MTREX: variants seen among roughly 807,000 people sequenced by gnomAD.
MTREX encodes exosome RNA helicase MTR4.
MTREX carries 76 observed loss-of-function variants against 135.4 expected under a neutral mutation model. The observed-to-expected ratio is 0.56, with a 90% CI of 0.47 to 0.68. The LOEUF (loss-of-function observed/expected upper bound fraction) is 0.68. MTREX is among the 30% of genes least tolerant of loss of function. The probability of loss-of-function intolerance (pLI) is 0.00; values close to 1 mark genes in which losing one functional copy is unlikely to be tolerated. For synonymous variants in MTREX, 404 were observed against 401.6 expected (o/e 1.01, Z -0.07); for missense variants, 920 against 1,262.1 (o/e 0.73, Z 4.11).
intron 1 of MTREX, among the ~76,000 whole-genome samples, chr5:55,313,893 C>T (rs1749156589): frequency 6.6e-6 from 1 of 152,062 alleles, no homozygotes; most frequent in African/African-American, 2.4e-5. Flanking sequence ...CCATTTCTCA[C>T]TTCTTGTGCA....
At position 55,425,126 on chromosome 5, in the gene MTREX, G is replaced by GAA; in HGVS notation, c.*356_*357dup. ...TCTTTAAAGGCTTGTACACCAGGAAGAAAGATGCATCCTCTTGCCTTGTGG... is the reference window on the plus strand; with the variant it reads ...TCTTTAAAGGCTTGTACACCAGGAAGAAAAAGATGCATCCTCTTGCCTTGTGG... On this transcript the variant is annotated 3_prime_UTR_variant, in exon 27 of 27. Coordinates refer to ENST00000230640, the MANE Select transcript of MTREX (RefSeq NM_015360.5). 1 of 1,505,540 alleles carries GAA rather than the reference G, an allele frequency of 6.6e-7. No individual in the cohort carries two copies. The highest frequency in any genetic ancestry group is 9.0e-7 in the Non-Finnish European group (1 of 1,115,864). The allele number at this position is 1,505,540 out of a possible 1,614,324, so 93.3% of individuals were successfully genotyped here.
chr5:55,322,588 TC>T lies in MTREX; in HGVS notation c.272+125del, dbSNP rs1431648780. 2.0e-5 allele frequency: 14 copies of T among 687,614 alleles called. No homozygotes were observed. The African/African-American group carries it at 2.2e-4, about 11-fold the overall frequency. 42.6% of individuals were successfully genotyped at this position (687,614 alleles called of 1,614,324 possible). On this transcript the variant is annotated intron_variant, in intron 2 of 26. Transcript: ENST00000230640. Reference sequence around the variant, plus strand: ...GTATTAGAGAAATGAAGATATTCTTTCTATTTTTACACAGGCATGTAAATGT... The same window carrying T: ...GTATTAGAGAAATGAAGATATTCTTTTATTTTTACACAGGCATGTAAATGT...
chr5:55,388,739 A>G (rs35719702), intron 19 of MTREX, among the ~76,000 whole-genome samples: 9,610 of 152,200 alleles, frequency 0.063, 547 homozygotes, highest in African/African-American at 0.13. Context: ...ACATAACCCA[A>G]TTTTAAGGAG....
chr5:55,381,495 C>T (rs1178773804), intron 18 of MTREX, among the ~76,000 whole-genome samples: 1 of 151,890 alleles, frequency 6.6e-6, no homozygotes, highest in Admixed American at 6.6e-5. Context: ...TTCTAATTTC[C>T]CTTTTGATTT....
intron 11 of MTREX, among the ~76,000 whole-genome samples, chr5:55,349,172 C>A (rs939798679): frequency 2.7e-5 from 4 of 146,648 alleles, no homozygotes; most frequent in African/African-American, 1.0e-4. Flanking sequence ...TTTACTTTTG[C>A]TCTTTAAAGA....
chr5:55,343,370 C>T lies in MTREX; in HGVS notation c.821C>T (p.Pro274Leu), dbSNP rs760559056. 1 of 1,612,596 alleles carries T rather than the reference C, an allele frequency of 6.2e-7. No homozygotes were observed. Among genetic ancestry groups the T allele is most frequent in the Admixed American group, 1.7e-5 (1 of 59,902 alleles). Reference protein sequence around the residue: ...VVWEETIILLPDNVHYVFLSA... With the variant: ...VVWEETIILLLDNVHYVFLSA... ...TGGGAAGAAACTATTATTTTGCTTC[C>T]TGATAACGTCCACTATGTCTTTCTT... Residue 274 changes from proline to leucine, a missense_variant, in exon 8 of 27, where the codon CCT becomes CTT. Pro to Leu is a moderately conservative substitution (Grantham distance 98). Around this residue, in one of 6 missense-constraint regions of MTREX, gnomAD observed 88 missense variants for 202.5 expected, o/e 0.43. Coordinates refer to ENST00000230640, the MANE Select transcript of MTREX (RefSeq NM_015360.5).
chr5:55,420,186 C>A (rs1751032683), intron 25 of MTREX, among the ~76,000 whole-genome samples: 1 of 152,174 alleles, frequency 6.6e-6, no homozygotes, highest in Admixed American at 6.5e-5. Context: ...TTGCAAGATA[C>A]ATGTGTGATT....
intron 19 of MTREX, among the ~76,000 whole-genome samples, chr5:55,396,135 C>A (rs1272129530): frequency 2.6e-5 from 4 of 152,090 alleles, no homozygotes; most frequent in Non-Finnish European, 5.9e-5. Flanking sequence ...TTCATTCTTA[C>A]AAGTTTTCTG....
intron 1 of MTREX, among the ~76,000 whole-genome samples, chr5:55,311,170 A>T (rs1011153660): frequency 1.6e-4 from 25 of 152,104 alleles, no homozygotes. Flanking sequence ...TGTACTCATA[A>T]CTCAGCTTCA....
intron 19 of MTREX, among the ~76,000 whole-genome samples, chr5:55,396,775 A>G (rs1462097674): frequency 2.0e-5 from 3 of 152,218 alleles, no homozygotes; most frequent in Admixed American, 2.0e-4. Flanking sequence ...ATCAGTGATC[A>G]GTGTAAAAGT....
Position 55,414,901 on chromosome 5 carries a change from C to T in MTREX, c.2808+663C>T, listed in dbSNP as rs193276799. ...CTGAGCTCATGTGATCCTCCCACCT[C>T]GGCCTCCCAAAGTGCTGGGATTACA... On this transcript the variant is annotated intron_variant, in intron 24 of 26. Transcript: ENST00000230640. 2.4e-3 allele frequency among the ~76,000 whole-genome samples: 360 copies of T among 152,234 alleles called. 4 individuals carry two copies. In the Middle Eastern group the frequency reaches 0.037, roughly 16 times the overall value.
chr5:55,308,091 C>T lies in MTREX; in HGVS notation c.78C>T (p.Asp26=), dbSNP rs563438949. 1.9e-6 allele frequency: 3 copies of T among 1,613,776 alleles called. No individual in the cohort carries two copies. The South Asian group carries it at 3.3e-5, about 18-fold the overall frequency. ...DSTTAAGTKK[D]KEKDKGKWKG... is the part of the protein sequence containing the mutation. ...CCACTGCGGCGGGAACCAAAAAAGACAAGGAAAAGGACAAGGGGAAATGGA... is the reference window on the plus strand; with the variant it reads ...CCACTGCGGCGGGAACCAAAAAAGATAAGGAAAAGGACAAGGGGAAATGGA... Residue 26 remains aspartate (D), a synonymous_variant, in exon 1 of 27, where the codon GAC becomes GAT. Coordinates refer to ENST00000230640, the MANE Select transcript of MTREX (RefSeq NM_015360.5).
At chr5:55,333,197 T>C (rs1749503762) in intron 5 of MTREX, among the ~76,000 whole-genome samples, 1 of 152,184 alleles carries the variant, frequency 6.6e-6, no homozygotes, top group Non-Finnish European at 1.5e-5. Context: ...GTGAAGTTTG[T>C]ATCTTATATT....
In MTREX at chr5:55,425,414, GAT is replaced by G; in HGVS notation, c.*644_*645del. On this transcript the variant is annotated 3_prime_UTR_variant, in exon 27 of 27. Coordinates refer to ENST00000230640, the MANE Select transcript of MTREX (RefSeq NM_015360.5). ...AAAGTTGTGATCAACAGCATCCTAA[GAT>G]AAATATAAACAAAAGGATATACTTT... 7.7e-7 allele frequency: 1 copy of G among 1,294,158 alleles called. No individual in the cohort carries two copies. The highest frequency in any genetic ancestry group is 1.1e-6 in the Non-Finnish European group (1 of 935,064). 80.2% of individuals were successfully genotyped at this position (1,294,158 alleles called of 1,614,324 possible). A position where few individuals can be genotyped will look rare whatever the true frequency, so the allele number is the denominator to read the frequency against.
At chr5:55,376,016 C>A (rs1009816811) in intron 16 of MTREX, among the ~76,000 whole-genome samples, 2 of 152,080 alleles carry the variant, frequency 1.3e-5, no homozygotes, top group Non-Finnish European at 2.9e-5. Flanking sequence ...AAAAACAAGC[C>A]GATTAAACAG....
intron 6 of MTREX, 54 bp from the exon 7 acceptor site, chr5:55,341,627 T>C: frequency 1.1e-6 from 1 of 900,460 alleles, no homozygotes; most frequent in Non-Finnish European, 1.7e-6. Context: ...TTTCTCTAAC[T>C]ATTAGCTGTT....
chr5:55,337,820 T>G (rs1423047313), intron 5 of MTREX, among the ~76,000 whole-genome samples: 1 of 151,926 alleles, frequency 6.6e-6, no homozygotes, highest in African/African-American at 2.4e-5. Context: ...TTTTCCTCCA[T>G]TGCCTTCTAT....
chr5:55,394,224 T>G lies in MTREX; in HGVS notation c.2182-3192T>G, dbSNP rs184126361. 4.7e-3 allele frequency among the ~76,000 whole-genome samples: 723 copies of G among 152,360 alleles called. 3 individuals are homozygous for G. The highest frequency in any genetic ancestry group is 8.0e-3 in the Admixed American group (122 of 15,302). ...TTCTACCTTTTTAGATGTAGTTAAG[T>G]GCATACAAATTGTGCATCTTTCACT... On this transcript the variant is annotated intron_variant, in intron 19 of 26. Transcript: ENST00000230640.
rs1170039224 is a variant in MTREX at position 55,345,133 on chromosome 5, G to A, written c.1045G>A (p.Val349Met). The change falls in exon 10 of 27, where the codon GTG becomes ATG. Residue 349 changes from valine (V) to methionine (M), a missense_variant. Around this residue, in one of 6 missense-constraint regions of MTREX, gnomAD observed 88 missense variants for 202.5 expected, o/e 0.43. Transcript: ENST00000230640. ...REDNFNTAMQ[V>M]LRDAGDLAKG... ...AGATAATTTTAATACTGCAATGCAA[G>A]TGCTTCGAGATGCAGGTGATTTGGC... 1 of 1,613,552 alleles carries A rather than the reference G, an allele frequency of 6.2e-7. No homozygotes were observed. The highest frequency in any genetic ancestry group is 8.5e-7 in the Non-Finnish European group (1 of 1,179,818).
Sources: gnomAD v4.1 joint callset for allele counts (sites outside exome capture counted in the v4.1 genomes callset) on GRCh38, gnomAD v4.1.1 for gene constraint, gnomAD v4.1.1 regional missense constraint, MANE v1.5 for transcripts, NCBI Gene and HGNC (gene_info 2026-07-23, HGNC 2026-07-21) for gene names.